CNTNAP4: variants seen among roughly 807,000 people sequenced by gnomAD.
CNTNAP4 encodes contactin associated protein family member 4, also known as contactin-associated protein-like 4.
In CNTNAP4, 98 loss-of-function variants were observed where a neutral mutation model predicts 148.4. That is an observed-to-expected ratio of 0.66 (90% confidence interval 0.56 to 0.78). The LOEUF is 0.78. CNTNAP4 is among the 30% of genes least tolerant of loss of function. The pLI is 0.00. For missense variants in CNTNAP4, 1,935 were observed against 1,565.6 expected (o/e 1.24, Z -3.98); for synonymous variants, 730 against 565.1 (o/e 1.29, Z -4.14).
At chr16:76,476,309 T>C (rs963014218) in intron 11 of CNTNAP4, among the ~76,000 whole-genome samples, 8 of 152,250 alleles carry the variant, frequency 5.3e-5, no homozygotes, top group Admixed American at 2.0e-4. Context: ...TTTTGTTATC[T>C]TGTTCTGTTA....
intron 21 of CNTNAP4, among the ~76,000 whole-genome samples, chr16:76,545,836 G>T (rs1003611395): frequency 6.6e-6 from 1 of 152,134 alleles, no homozygotes; most frequent in African/African-American, 2.4e-5. Context: ...AGGAGATTGA[G>T]ATCATCCTGG....
chr16:76,514,539 T>C (rs2083166309), intron 15 of CNTNAP4, among the ~76,000 whole-genome samples: 1 of 152,194 alleles, frequency 6.6e-6, no homozygotes, highest in African/African-American at 2.4e-5. Context: ...GAATTTTCAC[T>C]TTCCATTTGC....
chr16:76,304,350 T>A (rs998994362), intron 1 of CNTNAP4, among the ~76,000 whole-genome samples: 1 of 152,030 alleles, frequency 6.6e-6, no homozygotes, highest in African/African-American at 2.4e-5. Context: ...TCCAGTCACT[T>A]AACATCTCAG....
At chr16:76,502,025 C>G (rs982366576) in intron 15 of CNTNAP4, among the ~76,000 whole-genome samples, 5 of 151,504 alleles carry the variant, frequency 3.3e-5, no homozygotes. Context: ...GCCGAGATCC[C>G]GCCACTGCAC....
In CNTNAP4 at chr16:76,377,926, G is replaced by C. The variant is rs188324591; in HGVS notation, c.390+22415G>C. ...CACCATGCTAGTGGCATTATGCAAAGCTTTGTCTGTGCATTGTCCCACATT... is the reference window on the plus strand; with the variant it reads ...CACCATGCTAGTGGCATTATGCAAACCTTTGTCTGTGCATTGTCCCACATT... On this transcript the variant is annotated intron_variant, in intron 3 of 23. Transcript: ENST00000611870. Among the ~76,000 whole-genome samples the C allele has an allele frequency of 2.9e-3, 447 of 152,224 alleles. 1 individual carries two copies. In the Middle Eastern group the frequency reaches 0.031, roughly 10 times the overall value.
At chr16:76,355,580 A>C (rs183008472) in intron 3 of CNTNAP4, 69 bp downstream of exon 3, 2 of 1,145,804 alleles carry the variant, frequency 1.7e-6, no homozygotes, top group Admixed American at 2.9e-5. Context: ...CTTGTTTACC[A>C]ATCTCTTAAA....
intron 4 of CNTNAP4, among the ~76,000 whole-genome samples, chr16:76,440,293 G>T (rs775318100): frequency 6.6e-6 from 1 of 151,944 alleles, no homozygotes; most frequent in African/African-American, 2.4e-5. Flanking sequence ...TTCAAATACA[G>T]TTAATTTTCT....
At chr16:76,339,445 G>A (rs1964288107) in intron 2 of CNTNAP4, among the ~76,000 whole-genome samples, 1 of 151,818 alleles carries the variant, frequency 6.6e-6, no homozygotes. Context: ...TTTATGTTAA[G>A]ATACTAGATG....
At chr16:76,314,752 CCTCA>C (rs796242476) in intron 1 of CNTNAP4, among the ~76,000 whole-genome samples, 4 of 152,124 alleles carry the variant, frequency 2.6e-5, no homozygotes, top group African/African-American at 9.6e-5. Flanking sequence ...TTTTCCTAGC[CCTCA>C]CTCAAGATGG....
intron 1 of CNTNAP4, among the ~76,000 whole-genome samples, chr16:76,281,528 G>A (rs1448036331): frequency 1.3e-5 from 2 of 151,924 alleles, no homozygotes; most frequent in African/African-American, 4.8e-5. Flanking sequence ...AATACCTGGT[G>A]CTTACTCTAG....
At chr16:76,322,305 A>G (rs1962506917) in intron 2 of CNTNAP4, among the ~76,000 whole-genome samples, 2 of 152,068 alleles carry the variant, frequency 1.3e-5, no homozygotes, top group Admixed American at 1.3e-4. Context: ...AGCTCTTGAT[A>G]TTGAGATGGG....
chr16:76,521,381 A>G, intron 16 of CNTNAP4, 71 bp downstream of exon 16: 1 of 1,267,558 alleles, frequency 7.9e-7, no homozygotes, highest in Non-Finnish European at 1.1e-6. Context: ...CTAATTTTTA[A>G]ACTACTCATG....
chr16:76,529,378 C>T (rs2083875608), intron 17 of CNTNAP4, among the ~76,000 whole-genome samples: 1 of 152,188 alleles, frequency 6.6e-6, no homozygotes, highest in Non-Finnish European at 1.5e-5. Context: ...CTTGCTAACA[C>T]TGAGGACTTA....
intron 3 of CNTNAP4, among the ~76,000 whole-genome samples, chr16:76,424,322 G>C (rs1327915281): frequency 6.6e-6 from 1 of 152,082 alleles, no homozygotes; most frequent in Admixed American, 6.6e-5. Context: ...TCATCCAGCT[G>C]TTCACTCTGC....
intron 15 of CNTNAP4, among the ~76,000 whole-genome samples, chr16:76,516,831 A>G (rs1007232574): frequency 2.6e-5 from 4 of 152,234 alleles, no homozygotes; most frequent in African/African-American, 9.6e-5. Flanking sequence ...TGGGAGGCCA[A>G]GGTGGGTGGA....
At chr16:76,365,557 C>A (rs1392488376) in intron 3 of CNTNAP4, among the ~76,000 whole-genome samples, 1 of 151,930 alleles carries the variant, frequency 6.6e-6, no homozygotes, top group Non-Finnish European at 1.5e-5. Context: ...TCAAAACTAG[C>A]CTGGCCAACA....
chr16:76,461,745 G>A (rs562122927), intron 8 of CNTNAP4, among the ~76,000 whole-genome samples: 3 of 152,302 alleles, frequency 2.0e-5, no homozygotes, highest in Non-Finnish European at 2.9e-5. Context: ...ATCCAGGATT[G>A]TCCAGGGTTG....
chr16:76,547,689 G>A (rs990742043), intron 21 of CNTNAP4, among the ~76,000 whole-genome samples: 1 of 152,130 alleles, frequency 6.6e-6, no homozygotes, highest in Non-Finnish European at 1.5e-5. Context: ...CACTCGTTCC[G>A]AGTAGTAGCT....
chr16:76,364,707 G>C (rs1428123227), intron 3 of CNTNAP4, among the ~76,000 whole-genome samples: 1 of 152,092 alleles, frequency 6.6e-6, no homozygotes, highest in African/African-American at 2.4e-5. Context: ...TTAGGACCTA[G>C]ACAAAACTAA....
Sources: allele counts gnomAD v4.1 joint callset (sites outside exome capture counted in the v4.1 genomes callset), GRCh38; gene constraint gnomAD v4.1.1; transcripts MANE v1.5; gene names NCBI Gene and HGNC (gene_info 2026-07-23, HGNC 2026-07-21).